The following THBS4 variants were observed in gnomAD, a reference collection of about 807,000 sequenced individuals.
THBS4 encodes thrombospondin-4.
In THBS4, 90 loss-of-function variants were observed where a neutral mutation model predicts 115.7. That is an observed-to-expected ratio of 0.78 (90% CI 0.66 to 0.93). The LOEUF (loss-of-function observed/expected upper bound fraction) is 0.93. THBS4 is among the 40% of genes least tolerant of loss of function. The pLI is 0.00. For synonymous variants in THBS4, 460 were observed against 479.3 expected (o/e 0.96, Z 0.53); for missense variants, 1,087 against 1,232.7 (o/e 0.88, Z 1.77).
chr5:80,055,733 C>T lies in THBS4; in HGVS notation c.293-52C>T. On this transcript the variant is annotated intron_variant, in intron 2 of 21. Coordinates refer to ENST00000350881, the MANE Select transcript of THBS4 (RefSeq NM_003248.6). ...TATCACACCATTTGTTGACCCTCCA[C>T]TTCCCCCTCTGCCACTTATCACACC... 3 of 1,574,304 alleles carry T rather than the reference C, an allele frequency of 1.9e-6. No individual in the cohort carries two copies. The East Asian group carries it at 6.8e-5, about 35-fold the overall frequency.
chr5:80,062,943 A>C lies in THBS4; in HGVS notation c.1125+1111A>C, dbSNP rs1272075773. ...TTAATCCAGTCTATCATTGATGGAC[A>C]TTTGGGTTGGTTCCAAGTCTTTGCT... On this transcript the variant is annotated intron_variant, in intron 8 of 21. Coordinates refer to ENST00000350881, the MANE Select transcript of THBS4 (RefSeq NM_003248.6). Among the ~76,000 whole-genome samples the C allele has an allele frequency of 2.0e-5, 3 of 152,214 alleles. No individual in the cohort carries two copies. In the East Asian group the frequency reaches 5.8e-4, roughly 29 times the overall value.
intron 2 of THBS4, among the ~76,000 whole-genome samples, chr5:80,009,282 A>G (rs1007062444): frequency 6.6e-6 from 1 of 152,208 alleles, no homozygotes; most frequent in African/African-American, 2.4e-5. Flanking sequence ...GTGTGTGTCC[A>G]AAAAACAAAT....
In THBS4 at chr5:80,070,726, C is replaced by T. The variant is rs375749495; in HGVS notation, c.1536C>T (p.Asp512=). ...GIGDACDEDA[D]GDGILNEQDN... ...GCGACGCTTGTGACGAGGATGCTGACGGAGATGGGATCCTGAATGAGCAGG... is the reference window on the plus strand; with the variant it reads ...GCGACGCTTGTGACGAGGATGCTGATGGAGATGGGATCCTGAATGAGCAGG... Residue 512 remains aspartate, a synonymous_variant, in exon 12 of 22, where the codon GAC becomes GAT. Coordinates refer to ENST00000350881, the MANE Select transcript of THBS4 (RefSeq NM_003248.6). 2.1e-5 allele frequency: 34 copies of T among 1,614,146 alleles called. 1 individual carries two copies. In the South Asian group the frequency reaches 2.5e-4, roughly 12 times the overall value.
intron 20 of THBS4, among the ~76,000 whole-genome samples, chr5:80,080,673 G>A (rs914891981): frequency 6.6e-5 from 9 of 136,456 alleles, no homozygotes; most frequent in African/African-American, 8.4e-5. Context: ...TGCAACCTCC[G>A]CCTTCCTGGT....
At chr5:79,998,692 C>T (rs1831844909) in intron 2 of THBS4, among the ~76,000 whole-genome samples, 1 of 152,094 alleles carries the variant, frequency 6.6e-6, no homozygotes, top group Admixed American at 6.5e-5. Context: ...TTTACAACTT[C>T]CTGTGAGTCT....
intron 16 of THBS4, among the ~76,000 whole-genome samples, chr5:80,077,407 G>A (rs899951057): frequency 2.0e-5 from 3 of 152,326 alleles, no homozygotes; most frequent in Admixed American, 6.5e-5. Context: ...CAGAAAAGGA[G>A]CAGGATAGAG....
At chr5:80,010,925 T>C (rs1196327210) in intron 2 of THBS4, among the ~76,000 whole-genome samples, 1 of 152,212 alleles carries the variant, frequency 6.6e-6, no homozygotes, top group Admixed American at 6.5e-5. Context: ...GTTGGACAGA[T>C]GGCAGCACAG....
At chr5:80,068,340 T>TG (rs1833912405) in intron 10 of THBS4, among the ~76,000 whole-genome samples, 1 of 152,126 alleles carries the variant, frequency 6.6e-6, no homozygotes, top group African/African-American at 2.4e-5. Flanking sequence ...CCCTCTTGGC[T>TG]GGGGGGCAAC....
chr5:80,037,670 T>C (rs956437541), intron 1 of THBS4, among the ~76,000 whole-genome samples: 1 of 152,214 alleles, frequency 6.6e-6, no homozygotes, highest in Non-Finnish European at 1.5e-5. Flanking sequence ...ATCATGAACC[T>C]GATCATAGTC....
chr5:80,029,037 C>G (rs946872594), intron 2 of THBS4, among the ~76,000 whole-genome samples: 4 of 152,132 alleles, frequency 2.6e-5, no homozygotes, highest in Non-Finnish European at 5.9e-5. Flanking sequence ...GACAAACATG[C>G]CCCCAGGAAA....
intron 2 of THBS4, among the ~76,000 whole-genome samples, chr5:80,043,307 G>C (rs1402675039): frequency 3.3e-5 from 5 of 152,106 alleles, no homozygotes; most frequent in African/African-American, 4.8e-5. Context: ...GAAGTCACTG[G>C]GTCCATCAGA....
Position 80,073,179 on chromosome 5 carries a change from C to T in THBS4, c.1840-96C>T, listed in dbSNP as rs916794877. On this transcript the variant is annotated intron_variant, in intron 14 of 21. Transcript: ENST00000350881. Reference sequence around the variant, plus strand: ...CCACCCCGGTTCCAGAGAAATAATTCCCCAAATCCAATGATGATGGGTGAG... The same window carrying T: ...CCACCCCGGTTCCAGAGAAATAATTTCCCAAATCCAATGATGATGGGTGAG... The T allele has an allele frequency of 4.7e-6, 6 of 1,287,234 alleles. No homozygotes were observed. The African/African-American group carries it at 8.7e-5, about 19-fold the overall frequency. 79.7% of individuals were successfully genotyped at this position (1,287,234 alleles called of 1,614,324 possible). A position where few individuals can be genotyped will look rare whatever the true frequency, so the allele number is the denominator to read the frequency against.
At chr5:80,034,510 C>T (rs1434540941), upstream of THBS4, among the ~76,000 whole-genome samples, 1 of 152,168 alleles carries the variant, frequency 6.6e-6, no homozygotes, top group Admixed American at 6.5e-5. Flanking sequence ...CATATCATTC[C>T]GGGAGCTTTG....
intron 9 of THBS4, 27 bp from the exon 10 acceptor site, chr5:80,067,946 T>C (rs1260024370): frequency 6.2e-7 from 1 of 1,611,964 alleles, no homozygotes; most frequent in Non-Finnish European, 8.5e-7. Context: ...AGCTTTCAGC[T>C]CATCACCTGA....
At chr5:80,059,566 G>A (rs1833555015) in intron 6 of THBS4, 75 bp downstream of exon 6, 1 of 1,596,584 alleles carries the variant, frequency 6.3e-7, no homozygotes, top group Admixed American at 1.7e-5. Flanking sequence ...GTGAGGCTGT[G>A]TTGACCGCAG....
chr5:80,073,568 TA>T (rs1046375524), intron 15 of THBS4, among the ~76,000 whole-genome samples: 2 of 152,136 alleles, frequency 1.3e-5, no homozygotes, highest in African/African-American at 2.4e-5. Flanking sequence ...GTATTTTCAG[TA>T]GAGACGGGGT....
rs368339730 is a variant in THBS4, at chr5:80,059,887, C to T, written c.969C>T (p.Thr323=). The T allele has an allele frequency of 4.3e-6, 7 of 1,614,036 alleles. No homozygotes were observed. Among genetic ancestry groups the T allele is most frequent in the South Asian group, 1.1e-5 (1 of 91,088 alleles). The change falls in exon 7 of 22, where the codon ACC becomes ACT. Residue 323 remains threonine, a synonymous_variant. Transcript: ENST00000350881. Reference sequence around the variant, plus strand: ...AGGGCTACACAGGAAACGGGATCACCTGTATTGATGTTGATGAGGTAAAAG... The same window carrying T: ...AGGGCTACACAGGAAACGGGATCACTTGTATTGATGTTGATGAGGTAAAAG... ...CPEGYTGNGI[T]CIDVDECKYH...
At chr5:80,027,031 A>T (rs1832490275) in intron 2 of THBS4, among the ~76,000 whole-genome samples, 1 of 152,248 alleles carries the variant, frequency 6.6e-6, no homozygotes, top group African/African-American at 2.4e-5. Flanking sequence ...GCACTGCAGC[A>T]GCCACTAACA....
intron 2 of THBS4, among the ~76,000 whole-genome samples, chr5:80,053,536 T>G (rs1041966479): frequency 6.6e-6 from 1 of 152,148 alleles, no homozygotes; most frequent in Non-Finnish European, 1.5e-5. Context: ...CTGATGCATG[T>G]GACTAAATTA....
Sources: allele counts gnomAD v4.1 joint callset (sites outside exome capture counted in the v4.1 genomes callset), GRCh38; gene constraint gnomAD v4.1.1; transcripts MANE v1.5; gene names NCBI Gene and HGNC (gene_info 2026-07-23, HGNC 2026-07-21).